The following ATP9B variants were observed in gnomAD, a reference collection of about 807,000 sequenced individuals.
ATP9B encodes the protein ATPase phospholipid transporting 9B, also known as probable phospholipid-transporting ATPase IIB.
Under a neutral mutation model 146.1 loss-of-function variants are expected in ATP9B, and 110 were observed. That is an observed-to-expected ratio of 0.75 (90% CI 0.65 to 0.88). ATP9B has a LOEUF of 0.88. ATP9B is among the 40% of genes least tolerant of loss of function. The pLI, the probability that ATP9B is intolerant of heterozygous loss-of-function variation, is 0.00. For missense variants in ATP9B, 1,499 were observed against 1,496.4 expected (o/e 1.00, Z -0.03); for synonymous variants, 604 against 569.7 (o/e 1.06, Z -0.86).
intron 27 of ATP9B, among the ~76,000 whole-genome samples, chr18:79,373,213 AAGG>A (rs1476284608): frequency 6.6e-6 from 1 of 152,244 alleles, no homozygotes; most frequent in Non-Finnish European, 1.5e-5. Context: ...TGAGTTATGT[AAGG>A]AGAAGCCATT....
At chr18:79,073,178 C>CA (rs2072151997) in intron 1 of ATP9B, among the ~76,000 whole-genome samples, 1 of 152,184 alleles carries the variant, frequency 6.6e-6, no homozygotes, top group East Asian at 1.9e-4. Flanking sequence ...CCTCACATCC[C>CA]AGACAATGGG....
At chr18:79,200,638 G>T (rs374523171) in intron 9 of ATP9B, among the ~76,000 whole-genome samples, 1 of 147,472 alleles carries the variant, frequency 6.8e-6, no homozygotes, top group African/African-American at 2.5e-5. Context: ...AAGGTTTCTC[G>T]GAAATTGCCA....
intron 8 of ATP9B, among the ~76,000 whole-genome samples, chr18:79,177,552 T>G (rs4075580): frequency 0.57 from 86,944 of 151,912 alleles, 26,480 homozygotes; most frequent in African/African-American, 0.79. Context: ...GATAAATTTT[T>G]ATTTCTTATT....
At chr18:79,192,260 C>G (rs980381177) in intron 8 of ATP9B, among the ~76,000 whole-genome samples, 3 of 152,046 alleles carry the variant, frequency 2.0e-5, no homozygotes, top group Admixed American at 1.3e-4. Context: ...GCAGCCATGA[C>G]AGAACTTTAT....
At chr18:79,348,010 G>C (rs1445629680) in intron 24 of ATP9B, 85 bp downstream of exon 24, 2 of 1,602,158 alleles carry the variant, frequency 1.2e-6, no homozygotes, top group East Asian at 2.2e-5. Flanking sequence ...GGGAGTGGGG[G>C]TGCTGAGTGC....
At chr18:79,087,681 A>T (rs1300742066) in intron 1 of ATP9B, 1 of 152,214 alleles carries the variant, frequency 6.6e-6, no homozygotes, top group Non-Finnish European at 1.5e-5. Flanking sequence ...GATAAAATGT[A>T]AGTTTTAAGC....
intron 9 of ATP9B, among the ~76,000 whole-genome samples, chr18:79,198,281 A>G (rs931528202): frequency 5.3e-5 from 8 of 152,222 alleles, no homozygotes; most frequent in African/African-American, 1.2e-4. Context: ...TATGGTGCCT[A>G]TAAGAAAACA....
chr18:79,080,988 A>G (rs930442391), intron 1 of ATP9B, among the ~76,000 whole-genome samples: 4 of 152,188 alleles, frequency 2.6e-5, no homozygotes, highest in African/African-American at 9.7e-5. Context: ...CATGGTGGAT[A>G]AGCTTTTTGA....
intron 1 of ATP9B, 105 bp downstream of exon 1, chr18:79,069,634 C>G: frequency 2.9e-6 from 2 of 688,360 alleles, no homozygotes; most frequent in Non-Finnish European, 4.1e-6. Flanking sequence ...TACCGGCGCG[C>G]CCCATCTGTT....
rs573358548 is a variant in ATP9B at position 79,276,963 on chromosome 18, C to A, written c.1269-91C>A. On this transcript the variant is annotated intron_variant, in intron 12 of 29. Transcript: ENST00000426216. ...TGGACATGGGTCTGGATCACACTAA[C>A]CACTGCAGTGGGTTTTATCTGGCAG... 88 of 1,540,074 alleles carry A rather than the reference C, an allele frequency of 5.7e-5. No individual in the cohort carries two copies. The East Asian group carries it at 2.0e-3, about 35-fold the overall frequency.
Position 79,071,853 on chromosome 18 carries a change from T to C in ATP9B, c.119+2324T>C, listed in dbSNP as rs1599288093. Reference sequence around the variant, plus strand: ...TTCAGAAGTTTAATTATGATGTGTCTTATCATGGATTTCTTTGGATTTCAT... The same window carrying C: ...TTCAGAAGTTTAATTATGATGTGTCCTATCATGGATTTCTTTGGATTTCAT... On this transcript the variant is annotated intron_variant, in intron 1 of 29. Coordinates refer to ENST00000426216, the MANE Select transcript of ATP9B (RefSeq NM_198531.5). 5.9e-5 allele frequency among the ~76,000 whole-genome samples: 9 copies of C among 151,964 alleles called. No individual in the cohort carries two copies. In the South Asian group the frequency reaches 1.9e-3, roughly 32 times the overall value.
At chr18:79,220,569 C>T (rs1431761967) in intron 11 of ATP9B, among the ~76,000 whole-genome samples, 1 of 152,068 alleles carries the variant, frequency 6.6e-6, no homozygotes, top group East Asian at 1.9e-4. Context: ...CCACTGCACT[C>T]CAGCCTGGGC....
chr18:79,126,217 CTT>C, intron 4 of ATP9B, 48 bp from the exon 5 acceptor site: 1 of 1,444,012 alleles, frequency 6.9e-7, no homozygotes, highest in Middle Eastern at 1.8e-4. Flanking sequence ...ATAATTTTGT[CTT>C]TTTTGTTAAA....
chr18:79,142,651 A>T (rs983339101), intron 5 of ATP9B, among the ~76,000 whole-genome samples: 1 of 152,206 alleles, frequency 6.6e-6, no homozygotes, highest in Non-Finnish European at 1.5e-5. Context: ...CTCAGTTAAG[A>T]TTTGTTTCAC....
intron 27 of ATP9B, among the ~76,000 whole-genome samples, chr18:79,373,658 T>A (rs2097086414): frequency 6.6e-6 from 1 of 151,906 alleles, no homozygotes; most frequent in African/African-American, 2.4e-5. Context: ...CCTGGCTAAT[T>A]TTTTGTATCT....
At position 79,118,390 on chromosome 18, in the gene ATP9B, G is replaced by GGTTTTTTTTT. The variant is rs1555689295; in HGVS notation, c.558+5036_558+5037insGTTTTTTTTT. On this transcript the variant is annotated intron_variant, in intron 4 of 29. Transcript: ENST00000426216. The stretch of plus-strand genomic sequence containing the variant: ...AAACACAATCATATTGAACGTTTTT[G>GGTTTTTTTTT]TTTTTTTTTTTTTTTTTTTTTTTTT... Among the ~76,000 whole-genome samples, 47 of 93,276 alleles carry GGTTTTTTTTT rather than the reference G, an allele frequency of 5.0e-4. 9 individuals carry two copies. The highest frequency in any genetic ancestry group is 1.9e-3 in the East Asian group (6 of 3,196). 61.2% of individuals were successfully genotyped at this position (93,276 alleles called of 152,430 possible).
intron 12 of ATP9B, among the ~76,000 whole-genome samples, chr18:79,264,881 A>C (rs73002526): frequency 0.16 from 24,402 of 152,186 alleles, 2,550 homozygotes; most frequent in East Asian, 0.44. Flanking sequence ...CCAAATAACA[A>C]ACTGTGTTTG....
chr18:79,216,348 C>G (rs2095626953), intron 11 of ATP9B, among the ~76,000 whole-genome samples: 1 of 152,158 alleles, frequency 6.6e-6, no homozygotes. Flanking sequence ...GGGTCTGTGT[C>G]CAGGCCTTGG....
intron 11 of ATP9B, among the ~76,000 whole-genome samples, chr18:79,241,677 C>G (rs2095890501): frequency 6.6e-6 from 1 of 152,172 alleles, no homozygotes; most frequent in Non-Finnish European, 1.5e-5. Flanking sequence ...ATGCAGCATG[C>G]CTGTTTTTAT....
Sources: allele counts gnomAD v4.1 joint callset (sites outside exome capture counted in the v4.1 genomes callset), GRCh38; gene constraint gnomAD v4.1.1; transcripts MANE v1.5; gene names NCBI Gene and HGNC (gene_info 2026-07-23, HGNC 2026-07-21).